The following KIAA1217 variants were observed in gnomAD, a reference collection of about 807,000 sequenced individuals.
KIAA1217 encodes the protein sickle tail protein homolog.
In KIAA1217, 88 loss-of-function variants were observed where a neutral mutation model predicts 163.9. The ratio of observed to expected loss-of-function variants is 0.54; its 90% CI spans 0.45 to 0.64. The LOEUF (loss-of-function observed/expected upper bound fraction) is 0.64, where lower values mean the gene tolerates loss of function less well. Among genes scored for constraint, KIAA1217 ranks in the 30% least tolerant of loss-of-function variants. The pLI is 0.00. For synonymous variants in KIAA1217, 903 were observed against 923.1 expected, an observed-to-expected ratio of 0.98 and a Z score of 0.39; for missense variants, 2,372 against 2,475.0, an observed-to-expected ratio of 0.96 and a Z score of 0.88.
intron 1 of KIAA1217, among the ~76,000 whole-genome samples, chr10:23,820,059 A>G (rs1440965433): frequency 2.6e-5 from 4 of 152,240 alleles, no homozygotes; most frequent in Non-Finnish European, 5.9e-5. Context: ...TATCTGGTAT[A>G]TGTACAGAAT....
intron 2 of KIAA1217, among the ~76,000 whole-genome samples, chr10:24,008,889 A>T (rs1847126169): frequency 6.6e-6 from 1 of 152,170 alleles, no homozygotes; most frequent in Non-Finnish European, 1.5e-5. Context: ...CTAAACTTAG[A>T]GTCAGCAGAC....
intron 3 of KIAA1217, among the ~76,000 whole-genome samples, chr10:24,384,344 A>C (rs905606741): frequency 1.3e-5 from 2 of 152,180 alleles, no homozygotes; most frequent in Non-Finnish European, 2.9e-5. Flanking sequence ...GATCGAGCAG[A>C]AAGTACAGAC....
chr10:23,927,191 AT>A (rs1279892621), intron 1 of KIAA1217, among the ~76,000 whole-genome samples: 25 of 152,004 alleles, frequency 1.6e-4, no homozygotes, highest in Admixed American at 1.6e-3. Context: ...CTATTTATAA[AT>A]TGCTATGCTG....
chr10:24,053,165 A>G (rs1487422544), intron 2 of KIAA1217, among the ~76,000 whole-genome samples: 2 of 152,200 alleles, frequency 1.3e-5, no homozygotes, highest in Admixed American at 6.6e-5. Flanking sequence ...TCCAAAATAT[A>G]CAATTCCATT....
chr10:23,706,746 G>A (rs1157202165), intron 1 of KIAA1217, among the ~76,000 whole-genome samples: 1 of 152,128 alleles, frequency 6.6e-6, no homozygotes, highest in African/African-American at 2.4e-5. Flanking sequence ...TGAGTGTCAG[G>A]ATAAAAGTGA....
chr10:24,371,793 G>C (rs933401960), intron 2 of KIAA1217, among the ~76,000 whole-genome samples: 7 of 152,262 alleles, frequency 4.6e-5, no homozygotes, highest in African/African-American at 1.7e-4. Context: ...AATCCTTCTG[G>C]ATTCTAAATG....
At chr10:23,945,591 G>C (rs1843993964) in intron 1 of KIAA1217, among the ~76,000 whole-genome samples, 1 of 152,112 alleles carries the variant, frequency 6.6e-6, no homozygotes, top group Non-Finnish European at 1.5e-5. Context: ...TTACGTTTAA[G>C]ATCTGTGCAA....
intron 3 of KIAA1217, among the ~76,000 whole-genome samples, chr10:24,419,187 A>G (rs1013779034): frequency 1.6e-4 from 25 of 151,808 alleles, no homozygotes; most frequent in South Asian, 4.2e-4. Flanking sequence ...AAAAAAAAAA[A>G]AAAGAAAGAA....
At chr10:23,990,582 G>T (rs890756568) in intron 1 of KIAA1217, among the ~76,000 whole-genome samples, 2 of 151,904 alleles carry the variant, frequency 1.3e-5, no homozygotes, top group Admixed American at 6.6e-5. Context: ...GAGAGAAAAA[G>T]ATTTTCTAAA....
intron 5 of KIAA1217, among the ~76,000 whole-genome samples, chr10:24,452,482 G>C (rs1022425435): frequency 6.6e-6 from 1 of 150,712 alleles, no homozygotes; most frequent in African/African-American, 2.4e-5. Flanking sequence ...GACCATCCTG[G>C]CTAACACAGT....
intron 6 of KIAA1217, chr10:24,481,159 G>A (rs968287957): frequency 5.9e-5 from 9 of 152,132 alleles, no homozygotes; most frequent in African/African-American, 2.2e-4. Flanking sequence ...GCTGTGGACT[G>A]GAGGATTTGC....
chr10:24,196,720 TAATAATA>T (rs2067007511), intron 2 of KIAA1217, among the ~76,000 whole-genome samples: 1 of 152,132 alleles, frequency 6.6e-6, no homozygotes, highest in Admixed American at 6.6e-5. Flanking sequence ...GTAAGTGAAG[TAATAATA>T]AAATACATAG....
intron 5 of KIAA1217, among the ~76,000 whole-genome samples, chr10:24,448,596 C>T (rs936611866): frequency 3.3e-5 from 5 of 152,152 alleles, no homozygotes; most frequent in African/African-American, 1.2e-4. Context: ...CTATGTTGCC[C>T]AGGCTGGCTT....
intron 17 of KIAA1217, among the ~76,000 whole-genome samples, chr10:24,539,044 G>T (rs1359193030): frequency 2.0e-5 from 3 of 151,240 alleles, no homozygotes; most frequent in Admixed American, 2.0e-4. Context: ...AAATATATTG[G>T]TCTTTTCAGT....
intron 1 of KIAA1217, among the ~76,000 whole-genome samples, chr10:23,895,739 A>G (rs1316065719): frequency 6.6e-6 from 1 of 152,038 alleles, no homozygotes; most frequent in Non-Finnish European, 1.5e-5. Context: ...CTTGGAACCA[A>G]CCCAAATGTC....
At chr10:23,928,704 T>C (rs1359430463) in intron 1 of KIAA1217, among the ~76,000 whole-genome samples, 1 of 152,198 alleles carries the variant, frequency 6.6e-6, no homozygotes, top group African/African-American at 2.4e-5. Flanking sequence ...ATGAGGTAGA[T>C]ACCATTATTA....
intron 3 of KIAA1217, among the ~76,000 whole-genome samples, chr10:24,394,965 T>C (rs1173058342): frequency 6.6e-6 from 1 of 152,152 alleles, no homozygotes; most frequent in Non-Finnish European, 1.5e-5. Context: ...GAGTTTCTGA[T>C]TCAGTAGGTC....
intron 2 of KIAA1217, among the ~76,000 whole-genome samples, chr10:24,291,678 T>C (rs1475296748): frequency 2.0e-5 from 3 of 152,192 alleles, no homozygotes; most frequent in Non-Finnish European, 2.9e-5. Flanking sequence ...AGTATGCTTT[T>C]GGTCACACTA....
At chr10:24,321,469 G>T (rs1217464129) in intron 2 of KIAA1217, among the ~76,000 whole-genome samples, 2 of 151,576 alleles carry the variant, frequency 1.3e-5, no homozygotes, top group Non-Finnish European at 2.9e-5. Context: ...GGAGGCAGAG[G>T]TTGCAGTGAG....
Sources: gnomAD v4.1 joint callset for allele counts (sites outside exome capture counted in the v4.1 genomes callset) on GRCh38, gnomAD v4.1.1 for gene constraint, MANE v1.5 for transcripts, NCBI Gene and HGNC (gene_info 2026-07-23, HGNC 2026-07-21) for gene names.